CADM1: variants seen among roughly 807,000 people sequenced by gnomAD.
The protein encoded by CADM1 is TSLC-1.
CADM1 carries 15 observed loss-of-function variants against 53.1 expected under a neutral mutation model. The ratio of observed to expected loss-of-function variants is 0.28; its 90% CI spans 0.19 to 0.44. The LOEUF (loss-of-function observed/expected upper bound fraction) is 0.44, where lower values mean the gene tolerates loss of function less well. Ranked by LOEUF, CADM1 falls within the 20% of genes least tolerant of loss-of-function variation. CADM1 has a pLI of 1.00. For synonymous variants in CADM1, 281 were observed against 243.0 expected (o/e 1.16, Z -1.45); for missense variants, 434 against 611.3 (o/e 0.71, Z 3.06).
intron 1 of CADM1, among the ~76,000 whole-genome samples, chr11:115,342,595 T>C (rs1490805367): frequency 6.6e-6 from 1 of 152,170 alleles, no homozygotes; most frequent in Non-Finnish European, 1.5e-5. Context: ...ACTATCTTCA[T>C]CTATCAAAAC....
At position 115,318,694 on chromosome 11, in the gene CADM1, G is replaced by A. The variant is rs11607436; in HGVS notation, c.125-78274C>T. On this transcript the variant is annotated intron_variant, in intron 1 of 11. Coordinates refer to ENST00000331581, the MANE Select transcript of CADM1 (RefSeq NM_001301043.2). ...TCAGATACGGGAATGGAAATGGAGG[G>A]ACAAGTTTGAGAAATCCATGAAGAA... 9.8e-3 allele frequency among the ~76,000 whole-genome samples: 1,488 copies of A among 152,246 alleles called. 12 individuals are homozygous for A. Among genetic ancestry groups the A allele is most frequent in the Non-Finnish European group, 0.017 (1,183 of 68,006 alleles).
At chr11:115,198,349 C>T (rs926381617) in intron 9 of CADM1, 57 bp downstream of exon 9, 22 of 1,349,722 alleles carry the variant, frequency 1.6e-5, no homozygotes, top group Non-Finnish European at 2.0e-5. Flanking sequence ...TTTTCCCAGG[C>T]TTGCCTTGCC....
chr11:115,298,721 C>T (rs1043190923), intron 1 of CADM1, among the ~76,000 whole-genome samples: 5 of 152,158 alleles, frequency 3.3e-5, no homozygotes, highest in Admixed American at 3.3e-4. Flanking sequence ...TTTCCTATTT[C>T]CTTCTCTACA....
intron 1 of CADM1, among the ~76,000 whole-genome samples, chr11:115,501,678 C>G (rs985953116): frequency 1.1e-4 from 17 of 152,158 alleles, no homozygotes; most frequent in African/African-American, 4.1e-4. Flanking sequence ...CCAGGACCCA[C>G]GCACGATGGT....
intron 1 of CADM1, among the ~76,000 whole-genome samples, chr11:115,288,714 CTGTT>C (rs1943796857): frequency 6.6e-6 from 1 of 152,206 alleles, no homozygotes; most frequent in Admixed American, 6.5e-5. Flanking sequence ...TGCCCTGTCA[CTGTT>C]TGACCCTTGT....
intron 1 of CADM1, among the ~76,000 whole-genome samples, chr11:115,382,692 T>C (rs527877023): frequency 2.0e-5 from 3 of 152,284 alleles, no homozygotes; most frequent in South Asian, 2.1e-4. Flanking sequence ...ATTTCCTTTA[T>C]AGGAAACTAA....
chr11:115,296,294 C>G (rs537301575), intron 1 of CADM1, among the ~76,000 whole-genome samples: 9 of 152,310 alleles, frequency 5.9e-5, no homozygotes, highest in Admixed American at 2.6e-4. Context: ...TGAGTTCTCC[C>G]TCCACTGGAG....
chr11:115,470,849 T>A (rs1661168846), intron 1 of CADM1, among the ~76,000 whole-genome samples: 1 of 152,160 alleles, frequency 6.6e-6, no homozygotes, highest in African/African-American at 2.4e-5. Context: ...GACAGTATTA[T>A]CCCAATTTTT....
intron 1 of CADM1, among the ~76,000 whole-genome samples, chr11:115,337,579 C>A (rs1945300299): frequency 6.6e-6 from 1 of 152,076 alleles, no homozygotes; most frequent in Non-Finnish European, 1.5e-5. Context: ...TCCCTTGGCT[C>A]TTTACTAATG....
At chr11:115,445,720 T>C (rs747672953) in intron 1 of CADM1, 1 of 446,474 alleles carries the variant, frequency 2.2e-6, no homozygotes, top group South Asian at 1.6e-5. Flanking sequence ...AGTGTGCACC[T>C]GTAGTCCCAG....
chr11:115,414,023 G>T (rs1230782343), intron 1 of CADM1, among the ~76,000 whole-genome samples: 1 of 151,912 alleles, frequency 6.6e-6, no homozygotes, highest in Non-Finnish European at 1.5e-5. Flanking sequence ...ACACTCATAA[G>T]GAATAATTCC....
intron 1 of CADM1, among the ~76,000 whole-genome samples, chr11:115,360,276 C>T (rs1427761936): frequency 1.3e-5 from 2 of 152,178 alleles, no homozygotes; most frequent in African/African-American, 4.8e-5. Flanking sequence ...ACTTTGTTGG[C>T]TGCATCCTAA....
chr11:115,326,526 C>T (rs1313035224), intron 1 of CADM1, among the ~76,000 whole-genome samples: 1 of 152,110 alleles, frequency 6.6e-6, no homozygotes, highest in African/African-American at 2.4e-5. Context: ...CTTCTCAAAC[C>T]TTATAAATAT....
chr11:115,472,438 T>C (rs1949036708), intron 1 of CADM1, among the ~76,000 whole-genome samples: 1 of 151,858 alleles, frequency 6.6e-6, no homozygotes, highest in Non-Finnish European at 1.5e-5. Flanking sequence ...AAAAAACATA[T>C]ATATGTATAT....
chr11:115,295,466 G>A (rs1193164923), intron 1 of CADM1, among the ~76,000 whole-genome samples: 1 of 138,278 alleles, frequency 7.2e-6, no homozygotes, highest in East Asian at 2.1e-4. Context: ...TCCACTCTCT[G>A]CCGTCTGCAA....
At chr11:115,410,598 C>A (rs773419924) in intron 1 of CADM1, among the ~76,000 whole-genome samples, 9 of 151,990 alleles carry the variant, frequency 5.9e-5, no homozygotes, top group Admixed American at 2.0e-4. Flanking sequence ...TGGACAAGAA[C>A]ATGACATACA....
chr11:115,295,157 T>G (rs1410905286), intron 1 of CADM1, among the ~76,000 whole-genome samples: 2 of 152,126 alleles, frequency 1.3e-5, no homozygotes, highest in Admixed American at 1.3e-4. Flanking sequence ...ATGAATTGTT[T>G]CTACACTCTG....
chr11:115,251,846 A>G (rs910055710), intron 1 of CADM1, among the ~76,000 whole-genome samples: 2 of 152,200 alleles, frequency 1.3e-5, no homozygotes, highest in Non-Finnish European at 2.9e-5. Context: ...CCACAGTTTG[A>G]TGAAGGAATT....
chr11:115,338,856 C>T (rs1212506011), intron 1 of CADM1, among the ~76,000 whole-genome samples: 1 of 141,298 alleles, frequency 7.1e-6, no homozygotes, highest in Non-Finnish European at 1.6e-5. Context: ...GAGGTCTGTT[C>T]CACCTTCTTT....
Sources: allele counts gnomAD v4.1 joint callset (sites outside exome capture counted in the v4.1 genomes callset), GRCh38; gene constraint gnomAD v4.1.1; transcripts MANE v1.5; gene names NCBI Gene and HGNC (gene_info 2026-07-23, HGNC 2026-07-21).